Variants in TBC1D22A observed in about 807,000 individuals in gnomAD.
TBC1D22A encodes putative GTPase activator.
Under a neutral mutation model 60.2 loss-of-function variants are expected in TBC1D22A, and 38 were observed. That is an observed-to-expected ratio of 0.63 (90% CI 0.49 to 0.83). TBC1D22A has a LOEUF of 0.83. TBC1D22A is among the 40% of genes least tolerant of loss of function. The pLI is 0.00. For synonymous variants in TBC1D22A, 302 were observed against 281.7 expected (o/e 1.07, Z -0.72); for missense variants, 628 against 701.0 (o/e 0.90, Z 1.18).
chr22:47,091,944 A>G (rs2064993635), intron 11 of TBC1D22A, among the ~76,000 whole-genome samples: 1 of 152,190 alleles, frequency 6.6e-6, no homozygotes, highest in South Asian at 2.1e-4. Flanking sequence ...TGTCATCTCT[A>G]ATTCTTACCA....
At chr22:47,134,359 T>G (rs368643855) in intron 12 of TBC1D22A, among the ~76,000 whole-genome samples, 10 of 152,218 alleles carry the variant, frequency 6.6e-5, no homozygotes, top group African/African-American at 2.4e-4. Flanking sequence ...GAAAGAATCT[T>G]GTATGGAAAC....
rs183952984 is a variant in TBC1D22A, at chr22:47,028,424, G to A, written c.1202-8647G>A. Among the ~76,000 whole-genome samples the A allele has an allele frequency of 2.7e-3, 326 of 119,782 alleles. No homozygotes were observed. Among genetic ancestry groups the A allele is most frequent in the African/African-American group, 9.9e-3 (239 of 24,148 alleles). 78.6% of individuals were successfully genotyped at this position (119,782 alleles called of 152,430 possible). The stretch of plus-strand genomic sequence containing the variant: ...GTCCCCCACGGCCCAGGTTCTGAGA[G>A]CGAGTGGTCGCATTCCTGTCCCTCG... On this transcript the variant is annotated intron_variant, in intron 10 of 12. Coordinates refer to ENST00000337137, the MANE Select transcript of TBC1D22A (RefSeq NM_014346.5). This position sits in a 1 kb window ranked among gnomAD's most constrained non-coding sequence, Gnocchi z 4.4.
At chr22:47,061,297 G>A (rs2063567795) in intron 11 of TBC1D22A, among the ~76,000 whole-genome samples, 1 of 152,148 alleles carries the variant, frequency 6.6e-6, no homozygotes, top group Non-Finnish European at 1.5e-5. Flanking sequence ...TGCTTTCCTT[G>A]GGGCAGATAC....
At chr22:47,026,023 C>T (rs543210353) in intron 10 of TBC1D22A, among the ~76,000 whole-genome samples, 29 of 152,178 alleles carry the variant, frequency 1.9e-4, no homozygotes, top group Non-Finnish European at 3.7e-4. Context: ...AAATCAAATC[C>T]AACAGTACAC....
chr22:46,865,427 G>A (rs1294548995), intron 4 of TBC1D22A, among the ~76,000 whole-genome samples: 4 of 152,192 alleles, frequency 2.6e-5, no homozygotes, highest in East Asian at 1.9e-4. Context: ...ATGGAGTAGC[G>A]TAGGTTGAGC....
intron 12 of TBC1D22A, among the ~76,000 whole-genome samples, chr22:47,132,459 G>A (rs2066710011): frequency 6.6e-6 from 1 of 152,208 alleles, no homozygotes; most frequent in Non-Finnish European, 1.5e-5. Flanking sequence ...GGGACCATGG[G>A]CACATGCCCG....
intron 7 of TBC1D22A, among the ~76,000 whole-genome samples, chr22:46,901,340 C>T (rs535651365): frequency 1.3e-5 from 2 of 152,258 alleles, no homozygotes; most frequent in South Asian, 2.1e-4. Context: ...CTCTCAGCTG[C>T]GTTGTTTTCT....
chr22:46,994,330 G>C (rs1291958461), intron 9 of TBC1D22A, among the ~76,000 whole-genome samples: 2 of 152,082 alleles, frequency 1.3e-5, no homozygotes, highest in Non-Finnish European at 2.9e-5. Flanking sequence ...ATCAGAGCCA[G>C]TGTTGAGGGC....
At chr22:46,819,310 C>G in intron 4 of TBC1D22A, among the ~76,000 whole-genome samples, 1 of 152,096 alleles carries the variant, frequency 6.6e-6, no homozygotes, top group Non-Finnish European at 1.5e-5. Context: ...TGTCTTGTAC[C>G]AGTTTTCAGA....
chr22:47,039,935 CTTTTTTTT>C (rs570751261), intron 11 of TBC1D22A, among the ~76,000 whole-genome samples: 8 of 77,282 alleles, frequency 1.0e-4, no homozygotes, highest in Admixed American at 2.8e-4. Context: ...GTGCCACAGC[CTTTTTTTT>C]TTTTTTTTTT....
intron 8 of TBC1D22A, among the ~76,000 whole-genome samples, chr22:46,933,883 CAG>C (rs563820799): frequency 9.2e-5 from 14 of 152,300 alleles, no homozygotes; most frequent in African/African-American, 3.1e-4. Context: ...GAGGTGGGGA[CAG>C]GGGTGTGGGG....
chr22:46,899,630 TTG>T (rs2068873826), intron 7 of TBC1D22A, among the ~76,000 whole-genome samples: 1 of 152,196 alleles, frequency 6.6e-6, no homozygotes, highest in African/African-American at 2.4e-5. Flanking sequence ...AGCACATTGT[TTG>T]TTCCTCTATA....
intron 5 of TBC1D22A, among the ~76,000 whole-genome samples, chr22:46,883,710 C>G (rs1238748168): frequency 6.6e-6 from 1 of 152,258 alleles, no homozygotes; most frequent in East Asian, 1.9e-4. Context: ...CCACGCTGCC[C>G]TGTGTTGAAG....
chr22:46,860,790 G>C (rs1301995782), intron 4 of TBC1D22A, among the ~76,000 whole-genome samples: 1 of 152,200 alleles, frequency 6.6e-6, no homozygotes, highest in African/African-American at 2.4e-5. Flanking sequence ...GTCTCCTGGA[G>C]CAGTGAGCAG....
At chr22:46,782,547 T>C (rs528889135) in intron 1 of TBC1D22A, among the ~76,000 whole-genome samples, 2 of 152,322 alleles carry the variant, frequency 1.3e-5, no homozygotes, top group African/African-American at 4.8e-5. Context: ...GTGTTTTTAG[T>C]ATATTCACAG....
At chr22:46,785,497 G>T (rs1347472858) in intron 1 of TBC1D22A, among the ~76,000 whole-genome samples, 2 of 152,152 alleles carry the variant, frequency 1.3e-5, no homozygotes, top group Non-Finnish European at 2.9e-5. Context: ...TAATGCAGTG[G>T]TTTTTTTAGT....
chr22:46,803,566 C>T (rs927979907), intron 4 of TBC1D22A, among the ~76,000 whole-genome samples: 1 of 152,184 alleles, frequency 6.6e-6, no homozygotes, highest in Non-Finnish European at 1.5e-5. Flanking sequence ...GCAGCCTGGG[C>T]TTCATGACCA....
intron 11 of TBC1D22A, among the ~76,000 whole-genome samples, chr22:47,061,618 C>G (rs1203645913): frequency 6.6e-6 from 1 of 152,138 alleles, no homozygotes; most frequent in Non-Finnish European, 1.5e-5. Context: ...CTTAGACAAG[C>G]TGGGCTCCAG....
At chr22:47,150,492 A>G (rs78903152) in intron 12 of TBC1D22A, among the ~76,000 whole-genome samples, 10,977 of 152,230 alleles carry the variant, frequency 0.072, 1,183 homozygotes, top group African/African-American at 0.24. Context: ...GAGCCCGCGT[A>G]CACCTGAGGC....
Sources: allele counts gnomAD v4.1 joint callset (sites outside exome capture counted in the v4.1 genomes callset), GRCh38; gene constraint gnomAD v4.1.1; non-coding constraint Gnocchi (gnomAD v3.1); transcripts MANE v1.5; gene names NCBI Gene and HGNC (gene_info 2026-07-23, HGNC 2026-07-21).